The following RAD50 variants were observed in gnomAD, a reference collection of about 807,000 sequenced individuals.
The protein encoded by RAD50 is DNA repair protein RAD50.
Under a neutral mutation model 168.8 loss-of-function variants are expected in RAD50, and 132 were observed. The ratio of observed to expected loss-of-function variants is 0.78; its 90% CI spans 0.68 to 0.90. The LOEUF (loss-of-function observed/expected upper bound fraction) is 0.90, where lower values mean the gene tolerates loss of function less well. RAD50 is among the 40% of genes least tolerant of loss of function. The pLI is 0.00. For synonymous variants in RAD50, 525 were observed against 497.4 expected (o/e 1.06, Z -0.74); for missense variants, 1,347 against 1,534.4 (o/e 0.88, Z 2.04).
rs1751535218 is a variant in RAD50, at chr5:132,634,431, G to C, written c.3390-2684G>C. On this transcript the variant is annotated intron_variant, in intron 21 of 24. Coordinates refer to ENST00000378823, the MANE Select transcript of RAD50 (RefSeq NM_005732.4). Reference sequence around the variant, plus strand: ...ATATTTATCTCTGGCTATCTCATTAGTCTGAATAATTTTTCAGTTGATTTT... The same window carrying C: ...ATATTTATCTCTGGCTATCTCATTACTCTGAATAATTTTTCAGTTGATTTT... Among the ~76,000 whole-genome samples, 3 of 151,406 alleles carry C rather than the reference G, an allele frequency of 2.0e-5. No homozygotes were observed. In the South Asian group the frequency reaches 6.2e-4, roughly 32 times the overall value.
chr5:132,628,846 T>C (rs1751413610), intron 21 of RAD50, among the ~76,000 whole-genome samples: 1 of 148,178 alleles, frequency 6.7e-6, no homozygotes, highest in Admixed American at 6.7e-5. Context: ...AAAAACTGTC[T>C]CAGAAAAAAA....
Position 132,603,950 on chromosome 5 carries a change from G to T in RAD50, c.2428G>T (p.Ala810Ser). ...MELKDVERKIAQQAAKLQGID... is the reference protein window; with the variant it reads ...MELKDVERKISQQAAKLQGID... ...ACTTAAAGATGTTGAAAGAAAAATT[G>T]CACAACAAGCAGCTAAGCTACAAGG... The change falls in exon 15 of 25, where the codon GCA becomes TCA. Residue 810 changes from alanine to serine, a missense_variant. Ala to Ser is a moderately conservative substitution (Grantham distance 99). Around this residue, in one of 3 missense-constraint regions of RAD50, gnomAD observed 635 missense variants for 739.2 expected, o/e 0.86. Coordinates refer to ENST00000378823, the MANE Select transcript of RAD50 (RefSeq NM_005732.4). The T allele has an allele frequency of 1.2e-6, 2 of 1,609,756 alleles. No homozygotes were observed. The highest frequency in any genetic ancestry group is 1.7e-6 in the Non-Finnish European group (2 of 1,176,242).
At position 132,608,700 on chromosome 5, in the gene RAD50, C is replaced by T. The variant is rs977809879; in HGVS notation, c.2804C>T (p.Thr935Ile). The stretch of plus-strand genomic sequence containing the variant: ...GAAGAATTAATCAACAAAAAAAATA[C>T]AAGCAACAAAATAGCACAGGATAAA... ...EKEELINKKNTSNKIAQDKLN... is the reference protein window; with the variant it reads ...EKEELINKKNISNKIAQDKLN... Residue 935 changes from threonine to isoleucine, a missense_variant, in exon 17 of 25, where the codon ACA becomes ATA. Physicochemically the swap from Thr to Ile is moderately conservative, Grantham distance 89. Transcript: ENST00000378823. The T allele has an allele frequency of 2.5e-6, 4 of 1,590,258 alleles. No individual in the cohort carries two copies. The African/African-American group carries it at 5.4e-5, about 22-fold the overall frequency.
chr5:132,585,341 C>CA (rs1238167172), intron 5 of RAD50, among the ~76,000 whole-genome samples: 2 of 152,156 alleles, frequency 1.3e-5, no homozygotes, highest in Non-Finnish European at 2.9e-5. Flanking sequence ...TTAGTACTGT[C>CA]AGTCTTTTTC....
At chr5:132,592,825 A>G in intron 11 of RAD50, 1 of 471,060 alleles carries the variant, frequency 2.1e-6, no homozygotes, top group Non-Finnish European at 4.4e-6. Context: ...GAAATGCTTT[A>G]GGAACTTGAT....
chr5:132,622,257 T>C (rs1338533008), intron 21 of RAD50, among the ~76,000 whole-genome samples: 2 of 151,704 alleles, frequency 1.3e-5, no homozygotes, highest in Non-Finnish European at 2.9e-5. Context: ...ACCTCCTGAG[T>C]TCAAGCAGTT....
chr5:132,566,463 G>A (rs1369677264), intron 2 of RAD50, among the ~76,000 whole-genome samples: 2 of 152,142 alleles, frequency 1.3e-5, no homozygotes, highest in Non-Finnish European at 2.9e-5. Flanking sequence ...GCTTTATACT[G>A]ACCTCTGGCC....
Position 132,595,731 on chromosome 5 carries a change from G to C in RAD50, c.2128G>C (p.Asp710His). Residue 710 changes from aspartate (D) to histidine (H), a missense_variant, in exon 13 of 25, where the codon GAT becomes CAT. Physicochemically the swap from Asp to His is moderately conservative, Grantham distance 81 (BLOSUM62 -1). This residue lies in a region of RAD50 where 635 missense variants were observed against 739.2 expected (regional missense o/e 0.86). Transcript: ENST00000378823. ...GCAGTCTAAACTGCGACTTGCTCCA[G>C]ATAAACTCAAGTCAACAGAATCAGA... ...DLQSKLRLAP[D>H]KLKSTESELK... The C allele has an allele frequency of 2.5e-6, 4 of 1,613,716 alleles. No individual in the cohort carries two copies. The highest frequency in any genetic ancestry group is 3.4e-6 in the Non-Finnish European group (4 of 1,179,768).
chr5:132,557,919 C>G (rs757250297), intron 1 of RAD50, among the ~76,000 whole-genome samples: 13 of 151,898 alleles, frequency 8.6e-5, no homozygotes, highest in Non-Finnish European at 1.6e-4. Flanking sequence ...TAAATAAATT[C>G]AAAATGTAAC....
At position 132,594,882 on chromosome 5, in the gene RAD50, T is replaced by C. The variant is rs781299632; in HGVS notation, c.1807T>C (p.Ser603Pro). 1 of 1,603,380 alleles carries C rather than the reference T, an allele frequency of 6.2e-7. No homozygotes were observed. The highest frequency in any genetic ancestry group is 1.1e-5 in the South Asian group (1 of 90,784). Residue 603 changes from serine (S) to proline (P), a missense_variant, in exon 12 of 25, where the codon TCA (serine) becomes CCA (proline). By Grantham distance (74) the Ser-to-Pro change is moderately conservative (BLOSUM62 -1). Around this residue, in one of 3 missense-constraint regions of RAD50, gnomAD observed 703 missense variants for 767.7 expected, o/e 0.92. Coordinates refer to ENST00000378823, the MANE Select transcript of RAD50 (RefSeq NM_005732.4). The part of the protein sequence containing the change: ...RLAKLNKELA[S>P]SEQNKNHINN... Reference sequence around the variant, plus strand: ...CTCTTATTTTAGCAAGGAACTAGCTTCATCTGAGCAGAATAAAAATCATAT... The same window carrying C: ...CTCTTATTTTAGCAAGGAACTAGCTCCATCTGAGCAGAATAAAAATCATAT...
At chr5:132,599,044 A>G (rs760279444) in intron 13 of RAD50, among the ~76,000 whole-genome samples, 4 of 152,120 alleles carry the variant, frequency 2.6e-5, no homozygotes, top group African/African-American at 4.8e-5. Context: ...TGTATATTCT[A>G]TATTGTAACT....
rs771506747 is a variant in RAD50 at position 132,557,369 on chromosome 5, T to G, written c.45T>G (p.Phe15Leu). 6.2e-7 allele frequency: 1 copy of G among 1,614,150 alleles called. No individual in the cohort carries two copies. Among genetic ancestry groups the G allele is most frequent in the Non-Finnish European group, 8.5e-7 (1 of 1,179,938 alleles). The change falls in exon 1 of 25, where the codon TTT (phenylalanine) becomes TTG (leucine). Residue 15 changes from phenylalanine (F) to leucine (L), a missense_variant. Phe to Leu is a conservative substitution (Grantham distance 22). This residue lies in a region of RAD50 where 703 missense variants were observed against 767.7 expected (regional missense o/e 0.92). Coordinates refer to ENST00000378823, the MANE Select transcript of RAD50 (RefSeq NM_005732.4). ...TGAGCATTCTGGGCGTGCGGAGTTT[T>G]GGAATAGAGGACAAAGATAAGCAAA... is the stretch of plus-strand genomic sequence containing the variant. ...EKMSILGVRS[F>L]GIEDKDKQII...
chr5:132,558,102 G>A (rs983447084), intron 1 of RAD50, among the ~76,000 whole-genome samples: 7 of 151,958 alleles, frequency 4.6e-5, no homozygotes, highest in African/African-American at 1.7e-4. Flanking sequence ...TTAAGAAAAA[G>A]CAAGACGATG....
chr5:132,598,644 A>C (rs1201131198), intron 13 of RAD50, among the ~76,000 whole-genome samples: 1 of 152,168 alleles, frequency 6.6e-6, no homozygotes, highest in Admixed American at 6.5e-5. Flanking sequence ...GGCTCACATG[A>C]CTGACAGTGA....
intron 3 of RAD50, among the ~76,000 whole-genome samples, chr5:132,577,959 C>T (rs917256204): frequency 2.0e-5 from 3 of 151,850 alleles, no homozygotes; most frequent in African/African-American, 4.8e-5. Context: ...GGACTACAGG[C>T]GTGCACCACC....
At chr5:132,560,785 A>G (rs1487244316) in intron 2 of RAD50, among the ~76,000 whole-genome samples, 2 of 152,230 alleles carry the variant, frequency 1.3e-5, no homozygotes, top group Non-Finnish European at 2.9e-5. Context: ...TCACATCAGC[A>G]TATAAACATG....
chr5:132,635,909 G>A (rs2149862101), intron 21 of RAD50, among the ~76,000 whole-genome samples: 1 of 152,280 alleles, frequency 6.6e-6, no homozygotes, highest in East Asian at 1.9e-4. Flanking sequence ...GAGACTTGTT[G>A]CATTCTCATC....
intron 19 of RAD50, among the ~76,000 whole-genome samples, chr5:132,615,297 A>G (rs1391080449): frequency 3.3e-5 from 5 of 152,160 alleles, no homozygotes; most frequent in African/African-American, 1.2e-4. Context: ...GAAGGACAAA[A>G]CTACTCAACA....
In RAD50 at chr5:132,591,978, G is replaced by T. The variant is rs1580994917; in HGVS notation, c.1737G>T (p.Trp579Cys). 1 of 1,612,958 alleles carries T rather than the reference G, an allele frequency of 6.2e-7. No individual in the cohort carries two copies. The highest frequency in any genetic ancestry group is 8.5e-7 in the Non-Finnish European group (1 of 1,179,234). ...YFPNKKQLED[W>C]LHSKSKEINQ... ...CCAACAAAAAACAGCTTGAAGACTG[G>T]CTACATAGTAAATCAAAAGAAATTA... The change falls in exon 11 of 25, where the codon TGG (tryptophan) becomes TGT (cysteine). Residue 579 changes from tryptophan to cysteine, a missense_variant. This residue lies in a region of RAD50 where 703 missense variants were observed against 767.7 expected (regional missense o/e 0.92). Transcript: ENST00000378823.
Sources: gnomAD v4.1 joint callset for allele counts (sites outside exome capture counted in the v4.1 genomes callset) on GRCh38, gnomAD v4.1.1 for gene constraint, gnomAD v4.1.1 regional missense constraint, MANE v1.5 for transcripts, NCBI Gene and HGNC (gene_info 2026-07-23, HGNC 2026-07-21) for gene names.